SAE1: variants seen among roughly 807,000 people sequenced by gnomAD.
The protein encoded by SAE1 is SUMO-activating enzyme subunit 1.
Under a neutral mutation model 40.6 loss-of-function variants are expected in SAE1, and 11 were observed. That is an observed-to-expected ratio of 0.27 (90% confidence interval 0.17 to 0.45). The LOEUF (loss-of-function observed/expected upper bound fraction) is 0.45. Among genes scored for constraint, SAE1 ranks in the 20% least tolerant of loss-of-function variants. The pLI, the probability that SAE1 is intolerant of heterozygous loss-of-function variation, is 1.00. For synonymous variants in SAE1, 155 were observed against 154.3 expected (o/e 1.00, Z -0.03); for missense variants, 373 against 427.3 (o/e 0.87, Z 1.12).
intron 6 of SAE1, among the ~76,000 whole-genome samples, chr19:47,177,608 A>T (rs2058478131): frequency 6.6e-6 from 1 of 152,234 alleles, no homozygotes; most frequent in East Asian, 1.9e-4. Flanking sequence ...GGCCTCAAGA[A>T]ATCCTCTCAC....
rs527521322 is a variant in SAE1 at position 47,195,401 on chromosome 19, T to C, written c.734-1832T>C. Among the ~76,000 whole-genome samples, 133 of 152,326 alleles carry C rather than the reference T, an allele frequency of 8.7e-4. 1 individual carries two copies. Among genetic ancestry groups the C allele is most frequent in the African/African-American group, 3.1e-3 (130 of 41,574 alleles). The stretch of plus-strand genomic sequence containing the variant: ...TTGTCTTTATTTGGGATAAAAGTTA[T>C]AGCCTTGTTGGGGTCTTCTTACACA... On this transcript the variant is annotated intron_variant, in intron 6 of 8. Coordinates refer to ENST00000270225, the MANE Select transcript of SAE1 (RefSeq NM_005500.3).
Position 47,155,172 on chromosome 19 carries a change from A to G in SAE1, c.586A>G (p.Arg196Gly), listed in dbSNP as rs761841238. 12 of 1,614,070 alleles carry G rather than the reference A, an allele frequency of 7.4e-6. No individual in the cohort carries two copies. Among genetic ancestry groups the G allele is most frequent in the Non-Finnish European group, 5.9e-6 (7 of 1,179,960 alleles). Reference sequence around the variant, plus strand: ...AGTAGAAGATGGGCCCGACACCAAGAGAGCAAAACTTGATTCTTCTGAGAC... The same window carrying G: ...AGTAGAAGATGGGCCCGACACCAAGGGAGCAAAACTTGATTCTTCTGAGAC... The part of the protein sequence containing the change: ...QGVEDGPDTK[R>G]AKLDSSETTM... Residue 196 changes from arginine to glycine, a missense_variant, in exon 5 of 9, where the codon AGA (arginine) becomes GGA (glycine). This residue lies in a region of SAE1 where 351 missense variants were observed against 390.6 expected (regional missense o/e 0.90). Transcript: ENST00000270225.
intron 1 of SAE1, among the ~76,000 whole-genome samples, chr19:47,133,214 A>G (rs181299900): frequency 7.2e-5 from 11 of 152,190 alleles, no homozygotes; most frequent in Admixed American, 7.2e-4. Flanking sequence ...GAGTAACATG[A>G]TCTGTTTTTT....
At chr19:47,171,195 ACT>A (rs1204383540) in intron 6 of SAE1, among the ~76,000 whole-genome samples, 2 of 151,312 alleles carry the variant, frequency 1.3e-5, no homozygotes, top group Non-Finnish European at 2.9e-5. Context: ...GGTTGGGCTC[ACT>A]CTCTTGACCT....
At chr19:47,179,228 G>C (rs1041571904) in intron 6 of SAE1, among the ~76,000 whole-genome samples, 3 of 150,348 alleles carry the variant, frequency 2.0e-5, no homozygotes, top group African/African-American at 7.3e-5. Flanking sequence ...ATCTCTAGCC[G>C]GTCGCGATGG....
chr19:47,181,721 C>T (rs1382029325), intron 6 of SAE1, among the ~76,000 whole-genome samples: 3 of 150,168 alleles, frequency 2.0e-5, no homozygotes, highest in Non-Finnish European at 4.4e-5. Context: ...TCAGGTGATC[C>T]TCCCACCTCA....
At chr19:47,162,197 C>G (rs1025853271) in intron 5 of SAE1, among the ~76,000 whole-genome samples, 3 of 152,094 alleles carry the variant, frequency 2.0e-5, no homozygotes, top group South Asian at 2.1e-4. Flanking sequence ...TTGCTAGAGT[C>G]TTTGTTGTGT....
At position 47,169,860 on chromosome 19, in the gene SAE1, T is replaced by C. The variant is rs1410820979; in HGVS notation, c.670T>C (p.Trp224Arg). Residue 224 changes from tryptophan (W) to arginine (R), a missense_variant, in exon 6 of 9, where the codon TGG becomes CGG. Coordinates refer to ENST00000270225, the MANE Select transcript of SAE1 (RefSeq NM_005500.3). ...CPVKEALEVDWSSEKAKAALK... is the reference protein window; with the variant it reads ...CPVKEALEVDRSSEKAKAALK... ...TGTTAAAGAAGCCCTGGAGGTGGAC[T>C]GGAGCAGTGAGAAAGCAAAGGCTGC... 1 of 1,614,186 alleles carries C rather than the reference T, an allele frequency of 6.2e-7. No homozygotes were observed. Among genetic ancestry groups the C allele is most frequent in the Non-Finnish European group, 8.5e-7 (1 of 1,180,012 alleles).
At chr19:47,187,667 G>A (rs887587016) in intron 6 of SAE1, among the ~76,000 whole-genome samples, 1 of 152,110 alleles carries the variant, frequency 6.6e-6, no homozygotes, top group African/African-American at 2.4e-5. Context: ...GACTACAGGT[G>A]CCTGCCACAA....
intron 5 of SAE1, among the ~76,000 whole-genome samples, chr19:47,159,302 G>A (rs1054167055): frequency 2.0e-5 from 3 of 152,148 alleles, no homozygotes; most frequent in South Asian, 2.1e-4. Flanking sequence ...TCTTACACCC[G>A]TCATTAAAGA....
intron 1 of SAE1, among the ~76,000 whole-genome samples, chr19:47,140,772 G>A (rs969356617): frequency 3.3e-5 from 5 of 152,242 alleles, no homozygotes; most frequent in African/African-American, 1.2e-4. Context: ...TTCAATCTGG[G>A]TTCACAGAAT....
At chr19:47,200,888 C>T (rs1224637844) in intron 7 of SAE1, among the ~76,000 whole-genome samples, 1 of 152,064 alleles carries the variant, frequency 6.6e-6, no homozygotes, top group Non-Finnish European at 1.5e-5. Flanking sequence ...GACAAAGTTT[C>T]ACTTTGTCAC....
intron 5 of SAE1, among the ~76,000 whole-genome samples, chr19:47,161,102 AG>A (rs2058357150): frequency 6.6e-6 from 1 of 151,990 alleles, no homozygotes; most frequent in South Asian, 2.1e-4. Flanking sequence ...CCTGGGCTAA[AG>A]GGATCCTCCC....
At chr19:47,194,611 A>G (rs2057399263) in intron 6 of SAE1, among the ~76,000 whole-genome samples, 1 of 152,172 alleles carries the variant, frequency 6.6e-6, no homozygotes, top group African/African-American at 2.4e-5. Context: ...TATTGTCCTT[A>G]GAGACAAGGC....
chr19:47,164,329 C>G (rs1020793125), intron 5 of SAE1, among the ~76,000 whole-genome samples: 1 of 151,992 alleles, frequency 6.6e-6, no homozygotes, highest in African/African-American at 2.4e-5. Context: ...CCACCACACC[C>G]GGCTAATTTT....
intron 5 of SAE1, among the ~76,000 whole-genome samples, chr19:47,161,589 A>C (rs2058360086): frequency 2.0e-5 from 3 of 152,130 alleles, no homozygotes; most frequent in Admixed American, 2.0e-4. Context: ...CGTGTTTATA[A>C]ATCTAAACAA....
intron 1 of SAE1, among the ~76,000 whole-genome samples, chr19:47,140,453 T>C (rs1156685770): frequency 6.6e-6 from 1 of 152,046 alleles, no homozygotes; most frequent in African/African-American, 2.4e-5. Flanking sequence ...GGTTTCACCA[T>C]GTTGGCCAGG....
At chr19:47,164,074 A>G (rs773033582) in intron 5 of SAE1, among the ~76,000 whole-genome samples, 8 of 151,918 alleles carry the variant, frequency 5.3e-5, no homozygotes, top group Non-Finnish European at 1.2e-4. Flanking sequence ...TGGCTTGTAT[A>G]TGTGTATATA....
rs1016927712 is a variant in SAE1 at position 47,141,467 on chromosome 19, G to A, written c.99-2027G>A. Among the ~76,000 whole-genome samples the A allele has an allele frequency of 7.9e-5, 12 of 152,198 alleles. 1 individual carries two copies. Among genetic ancestry groups the A allele is most frequent in the Admixed American group, 7.9e-4 (12 of 15,258 alleles). ...GAATAATGAATTTTAAACAACTGCA[G>A]AGCAGTCTGTAGAGCTATGTAGGAA... On this transcript the variant is annotated intron_variant, in intron 1 of 8. Transcript: ENST00000270225.
Sources: gnomAD v4.1 joint callset for allele counts (sites outside exome capture counted in the v4.1 genomes callset) on GRCh38, gnomAD v4.1.1 for gene constraint, gnomAD v4.1.1 regional missense constraint, MANE v1.5 for transcripts, NCBI Gene and HGNC (gene_info 2026-07-23, HGNC 2026-07-21) for gene names.